The following SH3BGRL2 variants were observed in gnomAD, a reference collection of about 807,000 sequenced individuals.
SH3BGRL2 encodes the protein SH3 domain binding glutamate rich protein like 2, also known as SH3 domain-binding glutamic acid-rich-like protein 2.
In SH3BGRL2, 21 loss-of-function variants were observed where a neutral mutation model predicts 14.8. That is an observed-to-expected ratio of 1.42 (90% CI 1.01 to 2.05). The LOEUF is 2.05. Ranked by LOEUF, SH3BGRL2 falls within the 30% of genes most tolerant of loss-of-function variation. The pLI, the probability that SH3BGRL2 is intolerant of heterozygous loss-of-function variation, is 0.00. For synonymous variants in SH3BGRL2, 50 were observed against 47.8 expected (o/e 1.05, Z -0.19); for missense variants, 147 against 130.8 (o/e 1.12, Z -0.61).
chr6:79,578,552 A>G, the SH3BGRL2 span, among the ~76,000 whole-genome samples: 1 of 146,196 alleles, frequency 6.8e-6, no homozygotes, highest in Non-Finnish European at 1.5e-5. Context: ...TCTGCAGCTG[A>G]GGGACCTGAC....
At chr6:79,612,552 T>A in the SH3BGRL2 span, among the ~76,000 whole-genome samples, 1 of 152,212 alleles carries the variant, frequency 6.6e-6, no homozygotes, top group African/African-American at 2.4e-5. Flanking sequence ...TACTTTCTGA[T>A]ACAGTGCTGC....
At chr6:79,563,144 A>ATT in the SH3BGRL2 span, among the ~76,000 whole-genome samples, 200 of 138,332 alleles carry the variant, frequency 1.4e-3, 5 homozygotes, top group African/African-American at 5.0e-3. Context: ...TTTTTTTTGT[A>ATT]TTTTTTTTTT....
chr6:79,572,442 T>TTTTTATTTTATTTTATTTTA, the SH3BGRL2 span, among the ~76,000 whole-genome samples: 4 of 150,896 alleles, frequency 2.7e-5, no homozygotes, highest in Non-Finnish European at 4.4e-5. Context: ...ATGGCATCTA[T>TTTTTATTTTATTTTATTTTA]TTTTATTTTA....
At chr6:79,597,685 T>G in the SH3BGRL2 span, among the ~76,000 whole-genome samples, 1 of 152,126 alleles carries the variant, frequency 6.6e-6, no homozygotes, top group Non-Finnish European at 1.5e-5. Flanking sequence ...GCAAAAATCT[T>G]CATGACTTTG....
At chr6:79,619,414 G>A in the SH3BGRL2 span, among the ~76,000 whole-genome samples, 1 of 151,908 alleles carries the variant, frequency 6.6e-6, no homozygotes, top group Non-Finnish European at 1.5e-5. Context: ...TATTGTTACT[G>A]TATACTTCAG....
the SH3BGRL2 span, among the ~76,000 whole-genome samples, chr6:79,541,809 A>G: frequency 8.5e-5 from 13 of 152,350 alleles, no homozygotes; most frequent in African/African-American, 2.9e-4. Context: ...GATGTCCCCA[A>G]AAGTGATGAT....
the SH3BGRL2 span, among the ~76,000 whole-genome samples, chr6:79,600,907 C>T: frequency 6.6e-6 from 1 of 152,138 alleles, no homozygotes; most frequent in African/African-American, 2.4e-5. Context: ...TCCCAGGTGA[C>T]ACTGATGTCA....
At chr6:79,684,296 A>G (rs1313733668) in intron 2 of SH3BGRL2, among the ~76,000 whole-genome samples, 2 of 152,106 alleles carry the variant, frequency 1.3e-5, no homozygotes, top group Admixed American at 1.3e-4. Context: ...ACTTTCTGTA[A>G]TTAACTAGGA....
At chr6:79,618,111 G>T in the SH3BGRL2 span, among the ~76,000 whole-genome samples, 1 of 152,144 alleles carries the variant, frequency 6.6e-6, no homozygotes, top group African/African-American at 2.4e-5. Context: ...GTAAAGAAGA[G>T]CTTCTTACCT....
chr6:79,617,442 C>T, the SH3BGRL2 span, among the ~76,000 whole-genome samples: 1 of 152,132 alleles, frequency 6.6e-6, no homozygotes, highest in African/African-American at 2.4e-5. Context: ...CAATCACTCC[C>T]TATTTATACT....
At chr6:79,662,739 G>A (rs1317496167) in intron 1 of SH3BGRL2, among the ~76,000 whole-genome samples, 1 of 152,116 alleles carries the variant, frequency 6.6e-6, no homozygotes, top group East Asian at 1.9e-4. Context: ...CCTGAAGGGT[G>A]TTTTCCAACT....
chr6:79,568,456 G>A, the SH3BGRL2 span, among the ~76,000 whole-genome samples: 19,571 of 152,028 alleles, frequency 0.13, 1,406 homozygotes, highest in African/African-American at 0.16. Flanking sequence ...ACATAATGCT[G>A]ATGAAAATGA....
the SH3BGRL2 span, among the ~76,000 whole-genome samples, chr6:79,589,169 T>C: frequency 1.3e-3 from 192 of 150,266 alleles, no homozygotes; most frequent in Non-Finnish European, 8.6e-4. Flanking sequence ...TCTGTACATG[T>C]TCAGTACAGG....
Position 79,667,270 on chromosome 6 carries a change from C to T in SH3BGRL2, c.46-6344C>T, listed in dbSNP as rs144482773. Among the ~76,000 whole-genome samples the T allele has an allele frequency of 5.3e-5, 8 of 152,190 alleles. No homozygotes were observed. The East Asian group carries it at 9.7e-4, about 18-fold the overall frequency. On this transcript the variant is annotated intron_variant, in intron 1 of 3. Transcript: ENST00000369838. ...GGAAGTTAGATTGGTTACAGCTTGG[C>T]GCTTGCCTTGTTTGGACACAGTTCG... is the stretch of plus-strand genomic sequence containing the variant.
intron 1 of SH3BGRL2, among the ~76,000 whole-genome samples, chr6:79,672,189 C>G (rs1015443281): frequency 1.3e-5 from 2 of 152,120 alleles, no homozygotes; most frequent in African/African-American, 4.8e-5. Flanking sequence ...GGTGCCACCT[C>G]TCTCTCATTA....
In SH3BGRL2 at chr6:79,703,629, A is replaced by G. The variant is rs936476294; in HGVS notation, c.*4120A>G. 5 of 152,120 alleles carry G rather than the reference A, an allele frequency of 3.3e-5. No homozygotes were observed. The highest frequency in any genetic ancestry group is 1.2e-4 in the African/African-American group (5 of 41,418). The allele number at this position is 152,120 out of a possible 1,614,324, so 9.4% of individuals were successfully genotyped here. A position where few individuals can be genotyped will look rare whatever the true frequency, so the allele number is the denominator to read the frequency against. On this transcript the variant is annotated 3_prime_UTR_variant, in exon 4 of 4. Transcript: ENST00000369838. ...CTTTATCTCCATGTATGTATCCTTA[A>G]AGAATAATAAATGGAATTAAACTGA... is the stretch of plus-strand genomic sequence containing the variant.
intron 1 of SH3BGRL2, among the ~76,000 whole-genome samples, chr6:79,651,001 TTATTA>T (rs2127726411): frequency 6.6e-6 from 1 of 151,826 alleles, no homozygotes; most frequent in South Asian, 2.1e-4. Context: ...ATCCTGTTCT[TTATTA>T]TTTTTCAAAT....
At chr6:79,646,760 T>G (rs1442566429) in intron 1 of SH3BGRL2, among the ~76,000 whole-genome samples, 1 of 152,212 alleles carries the variant, frequency 6.6e-6, no homozygotes, top group Non-Finnish European at 1.5e-5. Context: ...ATTTGCCTCT[T>G]CTGGACATTT....
chr6:79,604,001 C>T, the SH3BGRL2 span, among the ~76,000 whole-genome samples: 1 of 151,916 alleles, frequency 6.6e-6, no homozygotes, highest in African/African-American at 2.4e-5. Flanking sequence ...GATGAGTTAT[C>T]GCCATGTTGG....
Sources: allele counts gnomAD v4.1 joint callset (sites outside exome capture counted in the v4.1 genomes callset), GRCh38; gene constraint gnomAD v4.1.1; transcripts MANE v1.5; gene names NCBI Gene and HGNC (gene_info 2026-07-23, HGNC 2026-07-21).